Variants in DCC observed in about 807,000 individuals in gnomAD.
DCC encodes netrin receptor DCC.
In DCC, 58 loss-of-function variants were observed where a neutral mutation model predicts 172.5. The observed-to-expected ratio is 0.34, with a 90% confidence interval of 0.27 to 0.42. The LOEUF (loss-of-function observed/expected upper bound fraction) is 0.42. DCC is among the 10% of genes least tolerant of loss of function. The probability of loss-of-function intolerance (pLI) is 1.00; values close to 1 mark genes in which losing one functional copy is unlikely to be tolerated. For missense variants in DCC, 1,740 were observed against 1,791.0 expected (o/e 0.97, Z 0.51); for synonymous variants, 709 against 644.5 (o/e 1.10, Z -1.52).
intron 12 of DCC, among the ~76,000 whole-genome samples, chr18:53,279,988 C>T (rs955538413): frequency 3.3e-5 from 5 of 152,060 alleles, no homozygotes; most frequent in Admixed American, 2.0e-4. Flanking sequence ...CCGTTGAGCA[C>T]TATGCTTATT....
chr18:53,259,999 T>A (rs940670548), intron 12 of DCC, among the ~76,000 whole-genome samples: 1 of 152,236 alleles, frequency 6.6e-6, no homozygotes, highest in Non-Finnish European at 1.5e-5. Context: ...GCAAATTGGC[T>A]ACTGAGGCTT....
intron 5 of DCC, among the ~76,000 whole-genome samples, chr18:52,927,983 C>T (rs2040245877): frequency 6.6e-6 from 1 of 152,050 alleles, no homozygotes; most frequent in Non-Finnish European, 1.5e-5. Context: ...CATTGCAGAA[C>T]TATTCACAAT....
intron 1 of DCC, among the ~76,000 whole-genome samples, chr18:52,381,220 C>T (rs1369800948): frequency 6.6e-6 from 1 of 152,084 alleles, no homozygotes; most frequent in Non-Finnish European, 1.5e-5. Context: ...TTTTTGAAGA[C>T]TGCACTTTGA....
At chr18:53,268,711 C>A (rs146403756) in intron 12 of DCC, among the ~76,000 whole-genome samples, 70 of 152,218 alleles carry the variant, frequency 4.6e-4, no homozygotes, top group Middle Eastern at 6.8e-3. Flanking sequence ...GGTGCTGTCA[C>A]GGTGATTTCA....
At chr18:53,335,491 G>A (rs1014233545) in intron 14 of DCC, among the ~76,000 whole-genome samples, 4 of 152,074 alleles carry the variant, frequency 2.6e-5, no homozygotes, top group Admixed American at 6.6e-5. Context: ...CACATTAGTG[G>A]AAACCTGTGT....
chr18:53,306,440 A>G (rs942271366), intron 13 of DCC, among the ~76,000 whole-genome samples: 7 of 152,230 alleles, frequency 4.6e-5, no homozygotes, highest in African/African-American at 1.7e-4. Context: ...CCAGGGAAGA[A>G]GAGAAAACAG....
rs1473205887 is a variant in DCC, at chr18:52,956,338, C to T, written c.985+30968C>T. 2.6e-5 allele frequency among the ~76,000 whole-genome samples: 4 copies of T among 151,844 alleles called. No individual in the cohort carries two copies. The South Asian group carries it at 8.3e-4, about 31-fold the overall frequency. On this transcript the variant is annotated intron_variant, in intron 5 of 28. Transcript: ENST00000442544. ...GACTGTCTTTGCTCCATTTTATTGC[C>T]TTTGCTAATTTGTCAATGATCAATT... is the stretch of plus-strand genomic sequence containing the variant.
At chr18:52,574,406 T>A (rs895439921) in intron 1 of DCC, among the ~76,000 whole-genome samples, 6 of 152,190 alleles carry the variant, frequency 3.9e-5, no homozygotes, top group Non-Finnish European at 8.8e-5. Context: ...TAAGTCACCA[T>A]CAATAATAGC....
intron 13 of DCC, among the ~76,000 whole-genome samples, chr18:53,311,246 C>T (rs1030598686): frequency 6.6e-6 from 1 of 152,046 alleles, no homozygotes; most frequent in African/African-American, 2.4e-5. Context: ...CTCAGCCTCA[C>T]CAGTAGCTGG....
chr18:53,235,232 T>C (rs2056183690), intron 12 of DCC, among the ~76,000 whole-genome samples: 1 of 152,158 alleles, frequency 6.6e-6, no homozygotes, highest in South Asian at 2.1e-4. Flanking sequence ...CTGCCCATCA[T>C]GTCTTTTTGA....
chr18:53,530,707 A>G lies in DCC; in HGVS notation c.*54A>G, dbSNP rs1369852395. 9.6e-6 allele frequency: 9 copies of G among 941,214 alleles called. No homozygotes were observed. Among genetic ancestry groups the G allele is most frequent in the African/African-American group, 8.1e-5 (5 of 62,068 alleles). The allele number at this position is 941,214 out of a possible 1,614,324, so 58.3% of individuals were successfully genotyped here. The stretch of plus-strand genomic sequence containing the variant: ...TTTCCGGGAACTTTGCAGCATACCA[A>G]TTACCCATAAACAGCACACCTGTGT... On this transcript the variant is annotated 3_prime_UTR_variant, in exon 29 of 29. Coordinates refer to ENST00000442544, the MANE Select transcript of DCC (RefSeq NM_005215.4).
intron 26 of DCC, among the ~76,000 whole-genome samples, chr18:53,495,706 A>T (rs550006949): frequency 6.6e-6 from 1 of 152,160 alleles, no homozygotes; most frequent in Admixed American, 6.5e-5. Context: ...TATCCTGAAG[A>T]GTGTCTTCCA....
At chr18:53,489,358 A>G (rs2045936310) in intron 26 of DCC, among the ~76,000 whole-genome samples, 1 of 152,202 alleles carries the variant, frequency 6.6e-6, no homozygotes. Flanking sequence ...AAAATAAATA[A>G]CACTCACCCT....
Position 53,179,200 on chromosome 18 carries a change from C to T in DCC, c.1573+84C>T, listed in dbSNP as rs2055156326. Reference sequence around the variant, plus strand: ...CTTGAATTCTTTCACAGAACCTTTGCGAAGTGACAAAAGCGAAGAAGAGTT... The same window carrying T: ...CTTGAATTCTTTCACAGAACCTTTGTGAAGTGACAAAAGCGAAGAAGAGTT... On this transcript the variant is annotated intron_variant, in intron 9 of 28. Coordinates refer to ENST00000442544, the MANE Select transcript of DCC (RefSeq NM_005215.4). The T allele has an allele frequency of 8.0e-6, 11 of 1,369,570 alleles. No homozygotes were observed. The Admixed American group carries it at 9.6e-5, about 12-fold the overall frequency. 84.8% of individuals were successfully genotyped at this position (1,369,570 alleles called of 1,614,324 possible).
chr18:52,489,947 A>G (rs2030420658), intron 1 of DCC, among the ~76,000 whole-genome samples: 1 of 152,140 alleles, frequency 6.6e-6, no homozygotes, highest in Admixed American at 6.6e-5. Flanking sequence ...ATTTATTGTG[A>G]GTAGCATAAA....
At chr18:53,395,425 T>G (rs2145018889) in intron 17 of DCC, among the ~76,000 whole-genome samples, 1 of 152,262 alleles carries the variant, frequency 6.6e-6, no homozygotes, top group Non-Finnish European at 1.5e-5. Flanking sequence ...GATCTTTCCC[T>G]CTTACCTAAA....
intron 2 of DCC, among the ~76,000 whole-genome samples, chr18:52,876,315 A>C (rs1018733221): frequency 6.6e-6 from 1 of 152,148 alleles, no homozygotes; most frequent in Admixed American, 6.6e-5. Flanking sequence ...GCTGATCTAC[A>C]TTCCTTTTCT....
intron 28 of DCC, among the ~76,000 whole-genome samples, chr18:53,528,174 C>A (rs1275452847): frequency 6.6e-6 from 1 of 151,986 alleles, no homozygotes; most frequent in Non-Finnish European, 1.5e-5. Flanking sequence ...AACAAAGAAT[C>A]ATTTCATTTG....
intron 5 of DCC, among the ~76,000 whole-genome samples, chr18:52,974,274 A>G (rs2041076314): frequency 1.3e-5 from 2 of 152,176 alleles, no homozygotes; most frequent in South Asian, 4.1e-4. Flanking sequence ...TAATGTCCTG[A>G]AAGTCAAGAT....
Sources: gnomAD v4.1 joint callset for allele counts (sites outside exome capture counted in the v4.1 genomes callset) on GRCh38, gnomAD v4.1.1 for gene constraint, MANE v1.5 for transcripts, NCBI Gene and HGNC (gene_info 2026-07-23, HGNC 2026-07-21) for gene names.